Variants in SNTG1 observed in about 807,000 individuals in gnomAD.
The protein encoded by SNTG1 is syntrophin gamma 1, also known as gamma-1-syntrophin.
A neutral mutation model predicts 74.7 loss-of-function variants in SNTG1; 39 were observed. That is an observed-to-expected ratio of 0.52 (90% CI 0.40 to 0.68). The LOEUF is 0.68. Among genes scored for constraint, SNTG1 ranks in the 30% least tolerant of loss-of-function variants. The pLI, the probability that SNTG1 is intolerant of heterozygous loss-of-function variation, is 0.00. For synonymous variants in SNTG1, 254 were observed against 217.1 expected (o/e 1.17, Z -1.49); for missense variants, 685 against 609.5 (o/e 1.12, Z -1.30).
chr8:50,163,980 A>C (rs2082520142), intron 1 of SNTG1: 3 of 151,966 alleles, frequency 2.0e-5, no homozygotes, highest in Admixed American at 2.0e-4. Flanking sequence ...TTGAACTGAC[A>C]GACTGAAATC....
intron 1 of SNTG1, among the ~76,000 whole-genome samples, chr8:50,127,846 C>T (rs1226057914): frequency 1.3e-5 from 2 of 152,082 alleles, no homozygotes; most frequent in Non-Finnish European, 2.9e-5. Context: ...GTCTGCTTTG[C>T]AAGTCCAATT....
At chr8:50,230,554 TA>T (rs2085564426) in intron 2 of SNTG1, among the ~76,000 whole-genome samples, 1 of 151,358 alleles carries the variant, frequency 6.6e-6, no homozygotes, top group Non-Finnish European at 1.5e-5. Flanking sequence ...AAATAGAAAG[TA>T]TAACATAAAA....
At chr8:50,747,723 CTTCCTTCTTTCT>C (rs1297966686) in intron 17 of SNTG1, 2 of 151,006 alleles carry the variant, frequency 1.3e-5, no homozygotes, top group African/African-American at 4.9e-5. Context: ...CACTTCGTTC[CTTCCTTCTTTCT>C]TTCCTTCCTC....
intron 1 of SNTG1, among the ~76,000 whole-genome samples, chr8:49,948,500 A>G (rs1392346878): frequency 6.6e-6 from 1 of 152,154 alleles, no homozygotes; most frequent in African/African-American, 2.4e-5. Context: ...TTACTATGTA[A>G]TTTAAGATAT....
At chr8:50,041,096 A>G (rs962080600) in intron 1 of SNTG1, among the ~76,000 whole-genome samples, 1 of 152,058 alleles carries the variant, frequency 6.6e-6, no homozygotes, top group Non-Finnish European at 1.5e-5. Context: ...GGGTTTCTCC[A>G]TGTTGCCCAG....
intron 2 of SNTG1, among the ~76,000 whole-genome samples, chr8:50,260,670 G>C (rs932371125): frequency 6.6e-6 from 1 of 150,720 alleles, no homozygotes; most frequent in African/African-American, 2.4e-5. Flanking sequence ...TATGACTATC[G>C]TGTTAAGAGC....
chr8:50,304,675 C>T (rs1003498950), intron 2 of SNTG1, among the ~76,000 whole-genome samples: 1 of 152,026 alleles, frequency 6.6e-6, no homozygotes, highest in Non-Finnish European at 1.5e-5. Context: ...TTATCCTGCT[C>T]CCACCCACTT....
At chr8:50,329,042 C>G (rs2090860132) in intron 2 of SNTG1, among the ~76,000 whole-genome samples, 1 of 152,148 alleles carries the variant, frequency 6.6e-6, no homozygotes, top group Non-Finnish European at 1.5e-5. Context: ...GTCTGAAATC[C>G]AGCAGAGCAG....
rs973992966 is a variant in SNTG1 at position 49,950,399 on chromosome 8, G to A, written c.-103+38168G>A. ...TGAAAAACTGCTCAACATTTTATATGCTATTCCTCTAGTAGTTCTTATTTG... is the reference window on the plus strand; with the variant it reads ...TGAAAAACTGCTCAACATTTTATATACTATTCCTCTAGTAGTTCTTATTTG... On this transcript the variant is annotated intron_variant, in intron 1 of 18. Coordinates refer to ENST00000642720, the MANE Select transcript of SNTG1 (RefSeq NM_018967.5). Among the ~76,000 whole-genome samples the A allele has an allele frequency of 2.0e-5, 3 of 152,060 alleles. 1 individual carries two copies. The highest frequency in any genetic ancestry group is 4.1e-4 in the South Asian group (2 of 4,828).
chr8:50,525,838 A>C (rs2094215387), intron 9 of SNTG1, among the ~76,000 whole-genome samples: 1 of 111,448 alleles, frequency 9.0e-6, no homozygotes. Flanking sequence ...GATAATTTAC[A>C]GACCTGGTTT....
intron 12 of SNTG1, among the ~76,000 whole-genome samples, chr8:50,560,986 T>C (rs576221401): frequency 6.6e-6 from 1 of 152,340 alleles, no homozygotes; most frequent in Admixed American, 6.5e-5. Context: ...ACTGACATTA[T>C]GACATTTTAA....
chr8:50,689,587 G>A (rs554472250), intron 15 of SNTG1, among the ~76,000 whole-genome samples: 60 of 147,308 alleles, frequency 4.1e-4, no homozygotes, highest in Admixed American at 3.5e-3. Flanking sequence ...CTTGCATCCC[G>A]GGGATGAAGC....
intron 4 of SNTG1, among the ~76,000 whole-genome samples, chr8:50,408,145 A>G (rs1225449487): frequency 6.6e-6 from 1 of 152,204 alleles, no homozygotes; most frequent in African/African-American, 2.4e-5. Flanking sequence ...AGCAGAAATC[A>G]GGTCCCTAGC....
At chr8:50,188,417 G>A (rs1212077181) in intron 2 of SNTG1, among the ~76,000 whole-genome samples, 1 of 152,274 alleles carries the variant, frequency 6.6e-6, no homozygotes, top group African/African-American at 2.4e-5. Flanking sequence ...AGACCCTGTA[G>A]GTGTGGGGCT....
rs1488498833 is a variant in SNTG1, at chr8:50,794,716, C to T, written c.*1887C>T. On this transcript the variant is annotated 3_prime_UTR_variant, in exon 19 of 19. Coordinates refer to ENST00000642720, the MANE Select transcript of SNTG1 (RefSeq NM_018967.5). ...TGGTTCATTATGGAACTTCTGCTTCCAACCAGAGCTGAATCTCAGTGTGCC... is the reference window on the plus strand; with the variant it reads ...TGGTTCATTATGGAACTTCTGCTTCTAACCAGAGCTGAATCTCAGTGTGCC... The T allele has an allele frequency of 2.0e-5, 3 of 152,092 alleles. No homozygotes were observed. Among genetic ancestry groups the T allele is most frequent in the East Asian group, 1.9e-4 (1 of 5,152 alleles). The allele number at this position is 152,092 out of a possible 1,614,324, so 9.4% of individuals were successfully genotyped here. A position where few individuals can be genotyped will look rare whatever the true frequency, so the allele number is the denominator to read the frequency against.
intron 13 of SNTG1, among the ~76,000 whole-genome samples, chr8:50,655,343 A>G (rs928859291): frequency 2.6e-5 from 4 of 152,128 alleles, no homozygotes; most frequent in African/African-American, 7.2e-5. Flanking sequence ...CTGTGTTGTT[A>G]TCTGATCAAC....
rs185571150 is a variant in SNTG1, at chr8:50,584,015, A to G, written c.811-6864A>G. ...TCAATTCCCACCTATGAGTGAGAAC[A>G]TGCGGTGTTTGGTTTTCTGTCCTTG... On this transcript the variant is annotated intron_variant, in intron 12 of 18. Coordinates refer to ENST00000642720, the MANE Select transcript of SNTG1 (RefSeq NM_018967.5). 7.9e-3 allele frequency among the ~76,000 whole-genome samples: 1,207 copies of G among 152,152 alleles called. 15 individuals carry two copies. The highest frequency in any genetic ancestry group is 0.027 in the African/African-American group (1,102 of 41,494).
intron 9 of SNTG1, among the ~76,000 whole-genome samples, chr8:50,503,109 GTAT>G (rs1283529968): frequency 6.6e-6 from 1 of 152,076 alleles, no homozygotes; most frequent in African/African-American, 2.4e-5. Flanking sequence ...AATTGGAGAA[GTAT>G]TATTTGTTTT....
In SNTG1 at chr8:49,911,432, A is replaced by C. The variant is rs1805574838; in HGVS notation, c.-902A>C. 1 of 151,948 alleles carries C rather than the reference A, an allele frequency of 6.6e-6. No homozygotes were observed. The highest frequency in any genetic ancestry group is 2.1e-4 in the South Asian group (1 of 4,828). The allele number at this position is 151,948 out of a possible 1,614,324, so 9.4% of individuals were successfully genotyped here. ...ATTTCTGGCATTAGGAAACTCGTGC[A>C]GGGCCACTGAAAAGTCAGGGGAGGC... is the stretch of plus-strand genomic sequence containing the variant. On this transcript the variant is annotated 5_prime_UTR_variant, in exon 1 of 19. Transcript: ENST00000642720.
Sources: gnomAD v4.1 joint callset for allele counts (sites outside exome capture counted in the v4.1 genomes callset) on GRCh38, gnomAD v4.1.1 for gene constraint, MANE v1.5 for transcripts, NCBI Gene and HGNC (gene_info 2026-07-23, HGNC 2026-07-21) for gene names.